Variants in KDM4A observed in about 807,000 individuals in gnomAD.
KDM4A encodes lysine-specific demethylase 4A.
A neutral mutation model predicts 127.1 loss-of-function variants in KDM4A; 23 were observed. The observed-to-expected ratio is 0.18, with a 90% confidence interval of 0.13 to 0.26. The LOEUF (loss-of-function observed/expected upper bound fraction) is 0.26, where lower values mean the gene tolerates loss of function less well. Among genes scored for constraint, KDM4A ranks in the 10% least tolerant of loss-of-function variants. The pLI, the probability that KDM4A is intolerant of heterozygous loss-of-function variation, is 1.00. For missense variants in KDM4A, 890 were observed against 1,329.1 expected, an observed-to-expected ratio of 0.67 and a Z score of 5.14; for synonymous variants, 443 against 466.5, an observed-to-expected ratio of 0.95 and a Z score of 0.65.
rs777446449 is a variant in KDM4A at position 43,653,159 on chromosome 1, C to G, written c.-17C>G. On this transcript the variant is annotated 5_prime_UTR_variant, in exon 2 of 22. Coordinates refer to ENST00000372396, the MANE Select transcript of KDM4A (RefSeq NM_014663.3). ...CAGATTCCTGTCTGACTAAAGGGACCTCAAAAAGGAGGGAAAATGGCTTCT... is the reference window on the plus strand; with the variant it reads ...CAGATTCCTGTCTGACTAAAGGGACGTCAAAAAGGAGGGAAAATGGCTTCT... 2 of 1,604,130 alleles carry G rather than the reference C, an allele frequency of 1.2e-6. No homozygotes were observed. Among genetic ancestry groups the G allele is most frequent in the Non-Finnish European group, 1.7e-6 (2 of 1,174,670 alleles).
In KDM4A at chr1:43,667,181, T is replaced by G. The variant is rs907550545; in HGVS notation, c.915+90T>G. The stretch of plus-strand genomic sequence containing the variant: ...TTGGCTGGTGATTAGAGTATTTCTT[T>G]GAGCTGCTGGAATTCAGAAACAAGC... On this transcript the variant is annotated intron_variant, in intron 8 of 21. Transcript: ENST00000372396. 7 of 1,421,248 alleles carry G rather than the reference T, an allele frequency of 4.9e-6. No homozygotes were observed. In the South Asian group the frequency reaches 7.4e-5, roughly 15 times the overall value. The allele number at this position is 1,421,248 out of a possible 1,614,324, so 88.0% of individuals were successfully genotyped here.
At chr1:43,657,650 G>A (rs1179624274) in intron 3 of KDM4A, among the ~76,000 whole-genome samples, 5 of 152,110 alleles carry the variant, frequency 3.3e-5, no homozygotes, top group Non-Finnish European at 7.4e-5. Flanking sequence ...TGCTACACAT[G>A]AGGAGCAAAC....
At chr1:43,682,151 C>T (rs747062412) in intron 11 of KDM4A, among the ~76,000 whole-genome samples, 68 of 152,114 alleles carry the variant, frequency 4.5e-4, no homozygotes, top group South Asian at 6.2e-4. Context: ...TGTGTGGAGA[C>T]GGGGTGTTGC....
At chr1:43,674,238 C>T (rs1660689343) in intron 11 of KDM4A, among the ~76,000 whole-genome samples, 1 of 152,048 alleles carries the variant, frequency 6.6e-6, no homozygotes, top group South Asian at 2.1e-4. Context: ...CCACTGTGTG[C>T]CCCACCGCCC....
intron 3 of KDM4A, among the ~76,000 whole-genome samples, chr1:43,658,739 G>A (rs1660305630): frequency 6.6e-6 from 1 of 152,008 alleles, no homozygotes; most frequent in African/African-American, 2.4e-5. Context: ...TCCTGACCTT[G>A]TGATCCGCCT....
chr1:43,702,531 T>C (rs1030828898), intron 19 of KDM4A: 10 of 152,170 alleles, frequency 6.6e-5, no homozygotes, highest in African/African-American at 2.2e-4. Flanking sequence ...TTTTAAGCCA[T>C]GTCCCTAAGG....
chr1:43,670,697 G>T (rs946071633), intron 10 of KDM4A, among the ~76,000 whole-genome samples: 2 of 151,766 alleles, frequency 1.3e-5, no homozygotes, highest in Non-Finnish European at 2.9e-5. Context: ...CCAAGTAGCT[G>T]GGACTACAGA....
Position 43,704,396 on chromosome 1 carries a change from C to T in KDM4A, c.*26C>T. The T allele has an allele frequency of 6.2e-7, 1 of 1,605,882 alleles. No homozygotes were observed. The highest frequency in any genetic ancestry group is 1.3e-5 in the African/African-American group (1 of 74,612). ...GTGCTTCCAGGGTCCAAGGGATTCT[C>T]AGCCATCCAGGCAAGAGCACTCTGG... On this transcript the variant is annotated 3_prime_UTR_variant, in exon 22 of 22. Coordinates refer to ENST00000372396, the MANE Select transcript of KDM4A (RefSeq NM_014663.3).
At chr1:43,698,334 C>G (rs1264537116) in intron 19 of KDM4A, among the ~76,000 whole-genome samples, 1 of 152,200 alleles carries the variant, frequency 6.6e-6, no homozygotes, top group East Asian at 1.9e-4. Flanking sequence ...ATCAAATATG[C>G]CAATACCAGC....
chr1:43,683,719 TAAG>T lies in KDM4A; in HGVS notation c.1774_1776del (p.Lys592del). On this transcript the variant is annotated inframe_deletion, in exon 12 of 22. Transcript: ENST00000372396. ...AATACATGTTTTCCCTAGAAGAGAA[TAAG>T]AAGTCCAAGGGACGCCGTCAGCCTT... 3 of 1,614,060 alleles carry T rather than the reference TAAG, an allele frequency of 1.9e-6. No individual in the cohort carries two copies. The highest frequency in any genetic ancestry group is 2.5e-6 in the Non-Finnish European group (3 of 1,180,006).
intron 12 of KDM4A, among the ~76,000 whole-genome samples, chr1:43,686,737 T>C (rs1257888095): frequency 6.6e-6 from 1 of 152,214 alleles, no homozygotes; most frequent in Non-Finnish European, 1.5e-5. Context: ...TAAATCAAAC[T>C]AAGGTCACAT....
rs2154047400 is a variant in KDM4A at position 43,671,837 on chromosome 1, A to G, written c.1696A>G (p.Ser566Gly). The change falls in exon 11 of 22, where the codon AGC becomes GGC. Residue 566 changes from serine to glycine, a missense_variant. Physicochemically the swap from Ser to Gly is moderately conservative, Grantham distance 56. Coordinates refer to ENST00000372396, the MANE Select transcript of KDM4A (RefSeq NM_014663.3). ...AGAGCCATGCACGAGGAAGAAAGGA[A>G]GCGCCGCTAGAAGTTTCAGTGAGCG... ...VGEPCTRKKG[S>G]AARSFSEREL... 6.3e-7 allele frequency: 1 copy of G among 1,587,210 alleles called. No individual in the cohort carries two copies. The highest frequency in any genetic ancestry group is 8.6e-7 in the Non-Finnish European group (1 of 1,166,318).
At position 43,667,925 on chromosome 1, in the gene KDM4A, A is replaced by G. The variant is rs779216696; in HGVS notation, c.1069A>G (p.Ser357Gly). 14 of 1,614,014 alleles carry G rather than the reference A, an allele frequency of 8.7e-6. No individual in the cohort carries two copies. The highest frequency in any genetic ancestry group is 1.2e-5 in the Non-Finnish European group (14 of 1,180,024). The change falls in exon 9 of 22, where the codon AGT becomes GGT. Residue 357 changes from serine (S) to glycine (G), a missense_variant. Ser to Gly is a moderately conservative substitution (Grantham distance 56). This residue lies in a region of KDM4A where 389 missense variants were observed against 485.9 expected (regional missense o/e 0.80). Coordinates refer to ENST00000372396, the MANE Select transcript of KDM4A (RefSeq NM_014663.3). ...TPEAAEFLKE[S>G]ELPPRAGNEE... is the part of the protein sequence containing the mutation. ...AGAAGCAGCTGAGTTTCTTAAGGAGAGTGAACTGCCTCCAAGAGCTGGCAA... is the reference window on the plus strand; with the variant it reads ...AGAAGCAGCTGAGTTTCTTAAGGAGGGTGAACTGCCTCCAAGAGCTGGCAA...
At chr1:43,660,273 C>T (rs767033380) in intron 3 of KDM4A, 25 bp from the exon 4 acceptor site, 1 of 1,589,974 alleles carries the variant, frequency 6.3e-7, no homozygotes, top group Admixed American at 1.7e-5. Flanking sequence ...AAGTGGTTTA[C>T]ATGTTTCTTT....
Position 43,690,903 on chromosome 1 carries a change from A to G in KDM4A, c.2096A>G (p.Lys699Arg). ...AATGCTTCAGATTTAGCCCCCCAGA[A>G]GCAGAGGACCAAGCCATTGATTCCA... is the stretch of plus-strand genomic sequence containing the variant. ...CGNASDLAPQ[K>R]QRTKPLIPEM... The change falls in exon 14 of 22, where the codon AAG becomes AGG. Residue 699 changes from lysine to arginine, a missense_variant. By Grantham distance (26) the Lys-to-Arg change is conservative. Coordinates refer to ENST00000372396, the MANE Select transcript of KDM4A (RefSeq NM_014663.3). 6.2e-7 allele frequency: 1 copy of G among 1,614,246 alleles called. No homozygotes were observed. The highest frequency in any genetic ancestry group is 2.2e-5 in the East Asian group (1 of 44,890).
At chr1:43,662,436 C>T (rs573524861) in intron 4 of KDM4A, among the ~76,000 whole-genome samples, 9 of 152,016 alleles carry the variant, frequency 5.9e-5, no homozygotes, top group South Asian at 2.1e-4. Flanking sequence ...GGTGAAACCC[C>T]GGCTCTACTA....
chr1:43,655,732 G>C lies in KDM4A; in HGVS notation c.280G>C (p.Val94Leu). 1 of 1,612,114 alleles carries C rather than the reference G, an allele frequency of 6.2e-7. No individual in the cohort carries two copies. Among genetic ancestry groups the C allele is most frequent in the Admixed American group, 1.7e-5 (1 of 59,674 alleles). ...CAACATACAGAAGAAAGCCATGACT[G>C]TTCGAGAGTTCCGCAAGATAGCCAA... The part of the protein sequence containing the change: ...QYNIQKKAMT[V>L]REFRKIANSD... Residue 94 changes from valine to leucine, a missense_variant, in exon 3 of 22, where the codon GTT (valine) becomes CTT (leucine). Val to Leu is a conservative substitution (Grantham distance 32, BLOSUM62 1). Around this residue, in one of 7 missense-constraint regions of KDM4A, gnomAD observed 41 missense variants for 40.8 expected, o/e 1.00. Transcript: ENST00000372396.
At chr1:43,681,093 G>A (rs551629237) in intron 11 of KDM4A, among the ~76,000 whole-genome samples, 2 of 151,982 alleles carry the variant, frequency 1.3e-5, no homozygotes, top group Non-Finnish European at 2.9e-5. Context: ...AATACTCCAC[G>A]ACGTATTCAC....
chr1:43,672,661 A>C (rs1660649870), intron 11 of KDM4A, among the ~76,000 whole-genome samples: 1 of 151,494 alleles, frequency 6.6e-6, no homozygotes, highest in African/African-American at 2.4e-5. Context: ...CGCCCAGCTA[A>C]TTTTTTGTAT....
Sources: allele counts gnomAD v4.1 joint callset (sites outside exome capture counted in the v4.1 genomes callset), GRCh38; gene constraint gnomAD v4.1.1; regional missense constraint gnomAD v4.1.1; transcripts MANE v1.5; gene names NCBI Gene and HGNC (gene_info 2026-07-23, HGNC 2026-07-21).